Variants in BTLA observed in about 807,000 individuals in gnomAD.
BTLA encodes B- and T-lymphocyte attenuator.
Under a neutral mutation model 25.0 loss-of-function variants are expected in BTLA, and 11 were observed. The ratio of observed to expected loss-of-function variants is 0.44; its 90% confidence interval spans 0.28 to 0.73. The LOEUF (loss-of-function observed/expected upper bound fraction) is 0.73, where lower values mean the gene tolerates loss of function less well. Ranked by LOEUF, BTLA falls within the 30% of genes least tolerant of loss-of-function variation. The pLI, the probability that BTLA is intolerant of heterozygous loss-of-function variation, is 0.15. For missense variants in BTLA, 282 were observed against 332.8 expected, an observed-to-expected ratio of 0.85 and a Z score of 1.19; for synonymous variants, 104 against 119.8, an observed-to-expected ratio of 0.87 and a Z score of 0.86.
Position 112,466,155 on chromosome 3 carries a change from C to A in BTLA, c.823G>T (p.Val275Leu). 6.2e-7 allele frequency: 1 copy of A among 1,610,056 alleles called. No homozygotes were observed. The highest frequency in any genetic ancestry group is 1.1e-5 in the South Asian group (1 of 90,636). ...GCATATTCTGTTGGTGCTTCTTTTA[C>A]ATTTCTTGCCAGTCTTGAGTTCGGT... ...IGPNSRLARN[V>L]KEAPTEYASI... The change falls in exon 5 of 5, where the codon GTA becomes TTA. Residue 275 changes from valine to leucine, a missense_variant. This residue lies in a region of BTLA where 119 missense variants were observed against 102.3 expected (regional missense o/e 1.16). Transcript: ENST00000334529.
intron 1 of BTLA, among the ~76,000 whole-genome samples, chr3:112,493,607 C>G (rs2082392143): frequency 6.6e-6 from 1 of 152,128 alleles, no homozygotes; most frequent in Admixed American, 6.5e-5. Context: ...TGGGTTCAAG[C>G]AATTCTGCCT....
chr3:112,482,188 T>A (rs2082321590), intron 1 of BTLA, among the ~76,000 whole-genome samples: 1 of 152,232 alleles, frequency 6.6e-6, no homozygotes, highest in African/African-American at 2.4e-5. Context: ...TTCTTAGCCT[T>A]TCTTTCTATG....
chr3:112,465,448 T>C lies in BTLA; in HGVS notation c.*660A>G, dbSNP rs2082220187. On this transcript the variant is annotated 3_prime_UTR_variant, in exon 5 of 5. Coordinates refer to ENST00000334529, the MANE Select transcript of BTLA (RefSeq NM_181780.4). ...ACGTTGACTGCTCCATTAATACCTA[T>C]ATTTGCTTATCAATCTAACAGAGTA... 1 of 152,680 alleles carries C rather than the reference T, an allele frequency of 6.5e-6. No homozygotes were observed. Among genetic ancestry groups the C allele is most frequent in the African/African-American group, 2.4e-5 (1 of 41,462 alleles). The allele number at this position is 152,680 out of a possible 1,614,324, so 9.5% of individuals were successfully genotyped here.
chr3:112,464,583 G>A lies in BTLA; in HGVS notation c.*1525C>T. 1 of 159,232 alleles carries A rather than the reference G, an allele frequency of 6.3e-6. No individual in the cohort carries two copies. Among genetic ancestry groups the A allele is most frequent in the Non-Finnish European group, 1.4e-5 (1 of 72,916 alleles). The allele number at this position is 159,232 out of a possible 1,614,324, so 9.9% of individuals were successfully genotyped here. ...CAAATCTAAGGAGCTAAAACTTAATGCCAGTGTTACTTAAGAAAATCTCTC... is the reference window on the plus strand; with the variant it reads ...CAAATCTAAGGAGCTAAAACTTAATACCAGTGTTACTTAAGAAAATCTCTC... On this transcript the variant is annotated 3_prime_UTR_variant, in exon 5 of 5. Transcript: ENST00000334529.
intron 1 of BTLA, among the ~76,000 whole-genome samples, chr3:112,486,156 C>G (rs1184016537): frequency 6.6e-6 from 1 of 151,964 alleles, no homozygotes; most frequent in Non-Finnish European, 1.5e-5. Context: ...AACTTCTACT[C>G]CCCCCCAGGC....
Position 112,479,660 on chromosome 3 carries a change from C to T in BTLA, c.198G>A (p.Arg66=), listed in dbSNP as rs1353477271. Residue 66 remains arginine, a synonymous_variant, in exon 2 of 5, where the codon AGG becomes AGA. Coordinates refer to ENST00000334529, the MANE Select transcript of BTLA (RefSeq NM_181780.4). ...TGAGCTTGCACCAAGTCACATGAGGCCTGTTAGCACAGTATTTCACAGGGC... is the reference window on the plus strand; with the variant it reads ...TGAGCTTGCACCAAGTCACATGAGGTCTGTTAGCACAGTATTTCACAGGGC... ...LECPVKYCAN[R]PHVTWCKLNG... The T allele has an allele frequency of 1.2e-6, 2 of 1,614,090 alleles. No individual in the cohort carries two copies. Among genetic ancestry groups the T allele is most frequent in the East Asian group, 4.5e-5 (2 of 44,870 alleles).
chr3:112,496,448 T>C (rs1004102291), intron 1 of BTLA, among the ~76,000 whole-genome samples: 1 of 152,190 alleles, frequency 6.6e-6, no homozygotes, highest in African/African-American at 2.4e-5. Context: ...TTATTATATA[T>C]GCAGCCTCAC....
chr3:112,497,340 G>A (rs912342069), intron 1 of BTLA, among the ~76,000 whole-genome samples: 14 of 152,102 alleles, frequency 9.2e-5, no homozygotes, highest in Non-Finnish European at 1.3e-4. Context: ...GTACAAATGA[G>A]GAAACTAAAG....
intron 2 of BTLA, among the ~76,000 whole-genome samples, chr3:112,475,800 T>C (rs924855334): frequency 6.6e-6 from 1 of 152,028 alleles, no homozygotes; most frequent in African/African-American, 2.4e-5. Context: ...TAATATATTA[T>C]ATAAATTAGT....
rs1483005436 is a variant in BTLA at position 112,464,024 on chromosome 3, A to G, written c.*2084T>C. On this transcript the variant is annotated 3_prime_UTR_variant, in exon 5 of 5. Transcript: ENST00000334529. ...CTCATTGAGCACAATCACAAGCTTAAAATTTGTGAAAAACCATTAAATTAT... is the reference window on the plus strand; with the variant it reads ...CTCATTGAGCACAATCACAAGCTTAGAATTTGTGAAAAACCATTAAATTAT... The G allele has an allele frequency of 7.6e-6, 3 of 396,128 alleles. No homozygotes were observed. The highest frequency in any genetic ancestry group is 1.3e-5 in the Non-Finnish European group (3 of 224,626). The allele number at this position is 396,128 out of a possible 1,614,324, so 24.5% of individuals were successfully genotyped here. A position where few individuals can be genotyped will look rare whatever the true frequency, so the allele number is the denominator to read the frequency against.
At chr3:112,489,538 T>G (rs2705534) in intron 1 of BTLA, among the ~76,000 whole-genome samples, 37,011 of 152,146 alleles carry the variant, frequency 0.24, 8,070 homozygotes, top group African/African-American at 0.57. Flanking sequence ...ACCATTCAAA[T>G]AAATGAATGA....
intron 1 of BTLA, among the ~76,000 whole-genome samples, chr3:112,491,965 A>G (rs1328838240): frequency 6.6e-6 from 1 of 152,252 alleles, no homozygotes; most frequent in Non-Finnish European, 1.5e-5. Context: ...AGGAAACTCT[A>G]CAGAAATATA....
At chr3:112,479,070 GA>G (rs2082303867) in intron 2 of BTLA, among the ~76,000 whole-genome samples, 1 of 148,644 alleles carries the variant, frequency 6.7e-6, no homozygotes, top group African/African-American at 2.5e-5. Context: ...GTAAAGAAGA[GA>G]AAAATGGGAA....
At chr3:112,476,214 C>T (rs907081598) in intron 2 of BTLA, among the ~76,000 whole-genome samples, 7 of 152,188 alleles carry the variant, frequency 4.6e-5, no homozygotes, top group South Asian at 2.1e-4. Flanking sequence ...CCGAGCTTCA[C>T]GCTATATTTG....
intron 1 of BTLA, among the ~76,000 whole-genome samples, chr3:112,497,125 T>G (rs1002254278): frequency 6.6e-6 from 1 of 152,234 alleles, no homozygotes; most frequent in Admixed American, 6.5e-5. Flanking sequence ...CTTTAAAAAC[T>G]CAACTATTTT....
At chr3:112,470,256 A>G (rs1273699401) in intron 3 of BTLA, 1 of 152,734 alleles carries the variant, frequency 6.5e-6, no homozygotes. Context: ...TGAAAGATAC[A>G]GAGAGGCCAT....
Position 112,466,105 on chromosome 3 carries a change from G to T in BTLA, c.*3C>A. On this transcript the variant is annotated 3_prime_UTR_variant, in exon 5 of 5. Coordinates refer to ENST00000334529, the MANE Select transcript of BTLA (RefSeq NM_181780.4). ...ATGGTCCCTGTTGGAGTCAGAAACAGACTTAACTCCTCACACATATGGATG... is the reference window on the plus strand; with the variant it reads ...ATGGTCCCTGTTGGAGTCAGAAACATACTTAACTCCTCACACATATGGATG... The T allele has an allele frequency of 6.3e-7, 1 of 1,582,896 alleles. No individual in the cohort carries two copies. Among genetic ancestry groups the T allele is most frequent in the South Asian group, 1.1e-5 (1 of 87,562 alleles).
rs55894234 is a variant in BTLA at position 112,490,604 on chromosome 3, A to AACACAC, written c.88+8661_88+8666dup. On this transcript the variant is annotated intron_variant, in intron 1 of 4. Coordinates refer to ENST00000334529, the MANE Select transcript of BTLA (RefSeq NM_181780.4). ...AGAAGAGCCATTTTCTCCCTGGGTA[A>AACACAC]ACACACACACACACACACACACACA... 3.8e-3 allele frequency among the ~76,000 whole-genome samples: 547 copies of AACACAC among 142,336 alleles called. 2 individuals carry two copies. Among genetic ancestry groups the AACACAC allele is most frequent in the African/African-American group, 8.4e-3 (327 of 38,950 alleles). The allele number at this position is 142,336 out of a possible 152,430, so 93.4% of individuals were successfully genotyped here.
At chr3:112,499,139 T>C in intron 1 of BTLA, 132 bp downstream of exon 1, 1 of 635,548 alleles carries the variant, frequency 1.6e-6, no homozygotes, top group Non-Finnish European at 2.7e-6. Flanking sequence ...TAAGCAAATG[T>C]AACAGCTTGG....
Sources: gnomAD v4.1 joint callset for allele counts (sites outside exome capture counted in the v4.1 genomes callset) on GRCh38, gnomAD v4.1.1 for gene constraint, gnomAD v4.1.1 regional missense constraint, MANE v1.5 for transcripts, NCBI Gene and HGNC (gene_info 2026-07-23, HGNC 2026-07-21) for gene names.